Variants in AGBL4 observed in about 807,000 individuals in gnomAD.
The protein encoded by AGBL4 is cytosolic carboxypeptidase 6.
Under a neutral mutation model 66.4 loss-of-function variants are expected in AGBL4, and 58 were observed. The ratio of observed to expected loss-of-function variants is 0.87; its 90% CI spans 0.71 to 1.09. AGBL4 has a LOEUF of 1.09. AGBL4 is among the 50% of genes least tolerant of loss of function. The probability of loss-of-function intolerance (pLI) is 0.00; values close to 1 mark genes in which losing one functional copy is unlikely to be tolerated. For missense variants in AGBL4, 579 were observed against 631.0 expected, an observed-to-expected ratio of 0.92 and a Z score of 0.88; for synonymous variants, 234 against 222.9, an observed-to-expected ratio of 1.05 and a Z score of -0.44.
chr1:48,949,193 C>T (rs573559283), intron 5 of AGBL4, among the ~76,000 whole-genome samples: 89 of 152,278 alleles, frequency 5.8e-4, no homozygotes, highest in Non-Finnish European at 8.1e-4. Flanking sequence ...CATGCCACAC[C>T]TCCAAAGGAA....
intron 2 of AGBL4, among the ~76,000 whole-genome samples, chr1:49,842,761 G>C (rs1191152419): frequency 6.6e-6 from 1 of 151,990 alleles, no homozygotes; most frequent in African/African-American, 2.4e-5. Flanking sequence ...AGAGAGATGA[G>C]GGATAGCCTC....
At chr1:49,565,697 T>A (rs996100393) in intron 3 of AGBL4, among the ~76,000 whole-genome samples, 2 of 152,242 alleles carry the variant, frequency 1.3e-5, no homozygotes, top group Admixed American at 6.5e-5. Flanking sequence ...GGGCTTCCCT[T>A]TGTGGGTAAC....
At chr1:49,714,671 T>C (rs74486432) in intron 2 of AGBL4, among the ~76,000 whole-genome samples, 1 of 151,296 alleles carries the variant, frequency 6.6e-6, no homozygotes, top group Admixed American at 6.6e-5. Context: ...TGTCCAATCA[T>C]CCATTCATGG....
chr1:49,940,237 C>G (rs1270967566), intron 1 of AGBL4, among the ~76,000 whole-genome samples: 1 of 152,190 alleles, frequency 6.6e-6, no homozygotes, highest in Non-Finnish European at 1.5e-5. Flanking sequence ...AATAGGAACA[C>G]TTTTACACTG....
At chr1:49,179,039 C>T (rs531455399) in intron 4 of AGBL4, among the ~76,000 whole-genome samples, 2 of 152,282 alleles carry the variant, frequency 1.3e-5, no homozygotes, top group African/African-American at 4.8e-5. Flanking sequence ...GCTAGTACAA[C>T]TCGCTTATGC....
intron 3 of AGBL4, among the ~76,000 whole-genome samples, chr1:49,561,465 A>T (rs1416978081): frequency 1.3e-5 from 2 of 150,122 alleles, no homozygotes; most frequent in African/African-American, 4.9e-5. Context: ...CCCTCCCCCC[A>T]ACCCACAACA....
intron 3 of AGBL4, among the ~76,000 whole-genome samples, chr1:49,344,727 G>A (rs1416944286): frequency 6.6e-6 from 1 of 152,082 alleles, no homozygotes; most frequent in Non-Finnish European, 1.5e-5. Context: ...TGTCTGTAAG[G>A]TTTTATTAAG....
intron 3 of AGBL4, among the ~76,000 whole-genome samples, chr1:49,567,061 G>C (rs972928859): frequency 1.3e-5 from 2 of 152,222 alleles, no homozygotes; most frequent in Non-Finnish European, 2.9e-5. Context: ...TGCCGTGCTA[G>C]CAATGAGCGA....
rs114855112 is a variant in AGBL4 at position 49,842,065 on chromosome 1, A to G, written c.157+9331T>C. 3.0e-3 allele frequency: 1,057 copies of G among 357,174 alleles called. 10 individuals carry two copies. Among genetic ancestry groups the G allele is most frequent in the African/African-American group, 0.021 (955 of 46,080 alleles). The allele number at this position is 357,174 out of a possible 1,614,324, so 22.1% of individuals were successfully genotyped here. On this transcript the variant is annotated intron_variant, in intron 2 of 13. Coordinates refer to ENST00000371839, the MANE Select transcript of AGBL4 (RefSeq NM_032785.4). Reference sequence around the variant, plus strand: ...TCCTCCTTGTGCCCAGCCTCTACTCATGCCTGCCCTCTACCTGCATGCCCG... The same window carrying G: ...TCCTCCTTGTGCCCAGCCTCTACTCGTGCCTGCCCTCTACCTGCATGCCCG...
chr1:49,577,188 C>T (rs1190942460), intron 3 of AGBL4, among the ~76,000 whole-genome samples: 3 of 152,184 alleles, frequency 2.0e-5, no homozygotes, highest in Non-Finnish European at 4.4e-5. Context: ...TGAGTGCTCA[C>T]CAACAGGTGA....
chr1:49,971,675 CT>C (rs1401442074), intron 1 of AGBL4, among the ~76,000 whole-genome samples: 2 of 151,780 alleles, frequency 1.3e-5, no homozygotes, highest in African/African-American at 4.8e-5. Context: ...GTGATAAATG[CT>C]TCGTTAAATG....
chr1:49,735,305 GT>G (rs1197316326), intron 2 of AGBL4, among the ~76,000 whole-genome samples: 5 of 149,922 alleles, frequency 3.3e-5, no homozygotes, highest in East Asian at 2.0e-4. Context: ...GGGTGTGTGT[GT>G]GTGTGTGTGT....
rs556630579 is a variant in AGBL4 at position 49,297,549 on chromosome 1, C to G, written c.283-51685G>C. 3.9e-5 allele frequency among the ~76,000 whole-genome samples: 6 copies of G among 152,224 alleles called. No individual in the cohort carries two copies. In the South Asian group the frequency reaches 6.2e-4, roughly 16 times the overall value. On this transcript the variant is annotated intron_variant, in intron 3 of 13. Coordinates refer to ENST00000371839, the MANE Select transcript of AGBL4 (RefSeq NM_032785.4). ...TATGTGACCAATCTCAGTTTCTTATCTAGAAGATGAAGACAATGACTCTTG... is the reference window on the plus strand; with the variant it reads ...TATGTGACCAATCTCAGTTTCTTATGTAGAAGATGAAGACAATGACTCTTG...
chr1:49,682,497 T>C (rs2124565101), intron 3 of AGBL4, among the ~76,000 whole-genome samples: 2 of 152,306 alleles, frequency 1.3e-5, no homozygotes, highest in South Asian at 4.1e-4. Context: ...TATTGAAAAA[T>C]ATTGGCCTCT....
intron 4 of AGBL4, among the ~76,000 whole-genome samples, chr1:49,084,121 C>A: frequency 3.9e-5 from 1 of 25,454 alleles, no homozygotes; most frequent in Non-Finnish European, 9.0e-5. Flanking sequence ...TAGGAAGTTC[C>A]AAATTTCCCC....
At chr1:49,463,090 C>G (rs1646550792) in intron 3 of AGBL4, among the ~76,000 whole-genome samples, 1 of 151,598 alleles carries the variant, frequency 6.6e-6, no homozygotes, top group African/African-American at 2.4e-5. Flanking sequence ...GGGCCAGGAC[C>G]TTTACATGTA....
intron 6 of AGBL4, among the ~76,000 whole-genome samples, chr1:48,739,074 C>A (rs1020019265): frequency 6.6e-6 from 1 of 152,194 alleles, no homozygotes; most frequent in Admixed American, 6.5e-5. Context: ...TCAAAGACAG[C>A]AGACCTAACA....
intron 2 of AGBL4, among the ~76,000 whole-genome samples, chr1:49,759,479 C>T (rs900172891): frequency 1.1e-4 from 17 of 152,266 alleles, no homozygotes; most frequent in African/African-American, 3.9e-4. Context: ...GCATAAGACC[C>T]TGAGACAGAA....
intron 3 of AGBL4, among the ~76,000 whole-genome samples, chr1:49,642,999 G>T (rs1645814086): frequency 6.6e-6 from 1 of 151,908 alleles, no homozygotes; most frequent in Admixed American, 6.6e-5. Flanking sequence ...AATTGACTTA[G>T]AAATGATGCA....
Sources: gnomAD v4.1 joint callset for allele counts (sites outside exome capture counted in the v4.1 genomes callset) on GRCh38, gnomAD v4.1.1 for gene constraint, MANE v1.5 for transcripts, NCBI Gene and HGNC (gene_info 2026-07-23, HGNC 2026-07-21) for gene names.